Variants in PCSK2 observed in about 807,000 individuals in gnomAD.
PCSK2 encodes the protein proprotein convertase subtilisin/kexin type 2.
A neutral mutation model predicts 69.7 loss-of-function variants in PCSK2; 14 were observed. The ratio of observed to expected loss-of-function variants is 0.20; its 90% confidence interval spans 0.13 to 0.31. The LOEUF (loss-of-function observed/expected upper bound fraction) is 0.31. PCSK2 is among the 10% of genes least tolerant of loss of function. The pLI, the probability that PCSK2 is intolerant of heterozygous loss-of-function variation, is 1.00. For synonymous variants in PCSK2, 307 were observed against 320.7 expected (o/e 0.96, Z 0.46); for missense variants, 544 against 842.5 (o/e 0.65, Z 4.39).
rs774361715 is a variant in PCSK2 at position 17,433,812 on chromosome 20, T to TCTCTCTCTCTCTCTCTC, written c.710-2895_710-2894insTCTCTCTCTCTCTCTCC. The stretch of plus-strand genomic sequence containing the variant: ...CTCTCTCTCTCTCTCTCTCTCTCTC[T>TCTCTCTCTCTCTCTCTC]CCCCCCACTTCCTTCCCTCCTCCTC... On this transcript the variant is annotated intron_variant, in intron 7 of 11. Coordinates refer to ENST00000262545, the MANE Select transcript of PCSK2 (RefSeq NM_002594.5). Among the ~76,000 whole-genome samples, 58 of 104,170 alleles carry TCTCTCTCTCTCTCTCTC rather than the reference T, an allele frequency of 5.6e-4. 6 individuals carry two copies. The highest frequency in any genetic ancestry group is 1.8e-3 in the South Asian group (5 of 2,740). 68.3% of individuals were successfully genotyped at this position (104,170 alleles called of 152,430 possible).
intron 2 of PCSK2, among the ~76,000 whole-genome samples, chr20:17,297,604 A>G (rs1363705086): frequency 6.6e-6 from 1 of 152,242 alleles, no homozygotes; most frequent in African/African-American, 2.4e-5. Context: ...GAGCTTGCTC[A>G]TTACATGGCA....
intron 2 of PCSK2, among the ~76,000 whole-genome samples, chr20:17,263,924 G>A (rs555329094): frequency 2.0e-5 from 3 of 152,024 alleles, no homozygotes; most frequent in South Asian, 4.2e-4. Context: ...TCAACATCAG[G>A]GTCAAAAACA....
intron 10 of PCSK2, 117 bp from the exon 11 acceptor site, chr20:17,465,209 C>T (rs1255689113): frequency 1.3e-6 from 1 of 785,048 alleles, no homozygotes; most frequent in South Asian, 1.5e-5. Context: ...ACAGAGATTC[C>T]AAAATCTTAC....
intron 2 of PCSK2, among the ~76,000 whole-genome samples, chr20:17,262,776 G>T (rs1298442044): frequency 6.6e-6 from 1 of 152,194 alleles, no homozygotes; most frequent in East Asian, 1.9e-4. Context: ...GAAAGAAAAA[G>T]GGAGAGACCA....
chr20:17,317,632 T>C, intron 2 of PCSK2, among the ~76,000 whole-genome samples: 1 of 152,220 alleles, frequency 6.6e-6, no homozygotes, highest in East Asian at 1.9e-4. Flanking sequence ...TCCAGCATCC[T>C]TTTTGGACAT....
chr20:17,307,562 C>T (rs1363245512), intron 2 of PCSK2, among the ~76,000 whole-genome samples: 8 of 152,114 alleles, frequency 5.3e-5, no homozygotes, highest in South Asian at 4.1e-4. Flanking sequence ...CAACTATCCG[C>T]GTTTTTACAT....
chr20:17,242,407 T>C (rs1986614221), intron 1 of PCSK2, among the ~76,000 whole-genome samples: 1 of 152,206 alleles, frequency 6.6e-6, no homozygotes, highest in Admixed American at 6.5e-5. Context: ...CCTATGAAGA[T>C]GAGGCACATT....
intron 2 of PCSK2, among the ~76,000 whole-genome samples, chr20:17,318,038 CA>C (rs1206308389): frequency 6.6e-6 from 1 of 152,320 alleles, no homozygotes; most frequent in East Asian, 1.9e-4. Flanking sequence ...TTTGATGTGT[CA>C]GTCATCTCCA....
At chr20:17,245,362 T>C (rs1033887354) in intron 1 of PCSK2, among the ~76,000 whole-genome samples, 2 of 152,242 alleles carry the variant, frequency 1.3e-5, no homozygotes, top group Admixed American at 6.5e-5. Flanking sequence ...AATTACACTT[T>C]ATACGACCTT....
At chr20:17,293,132 C>T (rs1241168544) in intron 2 of PCSK2, among the ~76,000 whole-genome samples, 2 of 152,124 alleles carry the variant, frequency 1.3e-5, no homozygotes, top group Non-Finnish European at 2.9e-5. Context: ...GCCCTTATTA[C>T]ATTTTCTAAA....
At chr20:17,434,621 G>A (rs1005496104) in intron 7 of PCSK2, among the ~76,000 whole-genome samples, 1 of 152,188 alleles carries the variant, frequency 6.6e-6, no homozygotes, top group Non-Finnish European at 1.5e-5. Flanking sequence ...CAAAGAGGAA[G>A]AGGGTTCAAG....
intron 5 of PCSK2, among the ~76,000 whole-genome samples, chr20:17,379,909 G>C (rs878882464): frequency 6.6e-6 from 1 of 152,232 alleles, no homozygotes; most frequent in Non-Finnish European, 1.5e-5. Flanking sequence ...ATTCTAAGCA[G>C]TGGAGGCTTT....
intron 2 of PCSK2, among the ~76,000 whole-genome samples, chr20:17,307,538 G>T (rs1352642965): frequency 6.6e-6 from 1 of 152,186 alleles, no homozygotes; most frequent in African/African-American, 2.4e-5. Flanking sequence ...ATCTCTCCTA[G>T]TACAGGTGGG....
chr20:17,450,060 C>T (rs1204704093), intron 8 of PCSK2, among the ~76,000 whole-genome samples: 7 of 86,500 alleles, frequency 8.1e-5, no homozygotes, highest in Admixed American at 3.6e-4. Context: ...GACGGAGTCT[C>T]ACTGTCGCCT....
chr20:17,477,311 G>GTATTTTATTT (rs532527809), intron 11 of PCSK2, among the ~76,000 whole-genome samples: 2 of 149,748 alleles, frequency 1.3e-5, no homozygotes, highest in African/African-American at 4.9e-5. Context: ...ATTGTGCCTG[G>GTATTTTATTT]TATTTTATTT....
chr20:17,349,064 T>C (rs1335044606), intron 2 of PCSK2, among the ~76,000 whole-genome samples: 4 of 152,188 alleles, frequency 2.6e-5, no homozygotes, highest in Non-Finnish European at 5.9e-5. Flanking sequence ...ACATGAGTAC[T>C]CAGGGCACTG....
chr20:17,295,475 T>A (rs1242787576), intron 2 of PCSK2, among the ~76,000 whole-genome samples: 1 of 149,836 alleles, frequency 6.7e-6, no homozygotes, highest in African/African-American at 2.4e-5. Context: ...TCTGCCTCAT[T>A]TTTATTTACT....
At chr20:17,372,329 A>T (rs578176868) in intron 5 of PCSK2, among the ~76,000 whole-genome samples, 1 of 152,048 alleles carries the variant, frequency 6.6e-6, no homozygotes, top group African/African-American at 2.4e-5. Flanking sequence ...CAGTGAGCTG[A>T]GATTGCACCA....
At chr20:17,399,252 T>C (rs2031583611) in intron 5 of PCSK2, among the ~76,000 whole-genome samples, 1 of 152,222 alleles carries the variant, frequency 6.6e-6, no homozygotes, top group South Asian at 2.1e-4. Flanking sequence ...CCTGACTTTG[T>C]TAATAACTGG....
Sources: gnomAD v4.1 joint callset for allele counts (sites outside exome capture counted in the v4.1 genomes callset) on GRCh38, gnomAD v4.1.1 for gene constraint, MANE v1.5 for transcripts, NCBI Gene and HGNC (gene_info 2026-07-23, HGNC 2026-07-21) for gene names.